Variants in ANKRD36B observed in about 807,000 individuals in gnomAD.
ANKRD36B encodes the protein ankyrin repeat domain 36B, also known as ankyrin repeat domain-containing protein 36B.
In ANKRD36B, 37 loss-of-function variants were observed where a neutral mutation model predicts 135.7. The observed-to-expected ratio is 0.27, with a 90% CI of 0.21 to 0.36. The LOEUF is 0.36. Ranked by LOEUF, ANKRD36B falls within the 10% of genes least tolerant of loss-of-function variation. The pLI is 1.00. For missense variants in ANKRD36B, 549 were observed against 1,037.1 expected (o/e 0.53, Z 6.46); for synonymous variants, 179 against 348.1 (o/e 0.51, Z 5.41).
chr2:97,514,093 T>C lies in ANKRD36B; in HGVS notation c.2622-730A>G, dbSNP rs1482243188. Among the ~76,000 whole-genome samples the C allele has an allele frequency of 2.2e-5, 3 of 137,602 alleles. No individual in the cohort carries two copies. The South Asian group carries it at 6.3e-4, about 29-fold the overall frequency. The allele number at this position is 137,602 out of a possible 152,430, so 90.3% of individuals were successfully genotyped here. A position where few individuals can be genotyped will look rare whatever the true frequency, so the allele number is the denominator to read the frequency against. ...CTGTGTCGGGGGCCACGGTCACTCA[T>C]ATTTGGCTCAGAATAAATGTCTTCA... On this transcript the variant is annotated intron_variant, in intron 37 of 43. Transcript: ENST00000359901.
At chr2:97,546,954 C>G (rs12712050) in intron 22 of ANKRD36B, among the ~76,000 whole-genome samples, 84,278 of 151,370 alleles carry the variant, frequency 0.56, 25,108 homozygotes, top group Non-Finnish European at 0.67. Context: ...CTGGAGCAGC[C>G]AAAATCAAAT....
chr2:97,541,417 ACTT>A (rs1418737817), intron 28 of ANKRD36B, among the ~76,000 whole-genome samples: 1 of 95,854 alleles, frequency 1.0e-5, no homozygotes, highest in Non-Finnish European at 2.8e-5. Context: ...TACATAAATA[ACTT>A]CTTCTTTTCT....
chr2:97,552,280 G>T (rs1169432586), intron 16 of ANKRD36B, among the ~76,000 whole-genome samples: 3 of 151,990 alleles, frequency 2.0e-5, no homozygotes, highest in South Asian at 2.1e-4. Context: ...CATTGAAAAT[G>T]ACCATTTTAG....
chr2:97,588,551 T>C (rs1044836450), intron 1 of ANKRD36B, among the ~76,000 whole-genome samples: 5 of 152,158 alleles, frequency 3.3e-5, no homozygotes, highest in Admixed American at 2.0e-4. Flanking sequence ...AAAAGTTTTC[T>C]TAATGTCGTC....
At chr2:97,575,808 T>G (rs552627111) in intron 6 of ANKRD36B, among the ~76,000 whole-genome samples, 27 of 152,112 alleles carry the variant, frequency 1.8e-4, no homozygotes, top group Non-Finnish European at 2.9e-4. Flanking sequence ...ACTAGATTGA[T>G]AGTAGTTCAA....
intron 20 of ANKRD36B, 79 bp from the exon 21 acceptor site, chr2:97,547,810 C>G (rs2079621211): frequency 6.6e-7 from 1 of 1,516,000 alleles, no homozygotes; most frequent in Non-Finnish European, 8.9e-7. Context: ...GTGTTAGCAT[C>G]AACCTCTGTC....
chr2:97,537,562 G>A lies in ANKRD36B; in HGVS notation c.2089+606C>T, dbSNP rs1396247758. 3.1e-5 allele frequency among the ~76,000 whole-genome samples: 3 copies of A among 96,776 alleles called. 1 individual carries two copies. The highest frequency in any genetic ancestry group is 9.3e-5 in the African/African-American group (3 of 32,420). The allele number at this position is 96,776 out of a possible 152,430, so 63.5% of individuals were successfully genotyped here. A position where few individuals can be genotyped will look rare whatever the true frequency, so the allele number is the denominator to read the frequency against. ...CTCCTTCCTGATTACAGTAGTCATT[G>A]GAGCAGCCAGAAATCAGATCTTCTG... On this transcript the variant is annotated intron_variant, in intron 32 of 43. Coordinates refer to ENST00000359901, the MANE Select transcript of ANKRD36B (RefSeq NM_001393939.1).
At chr2:97,580,608 A>G (rs1394607650) in intron 3 of ANKRD36B, 40 bp from the exon 4 acceptor site, 3 of 1,510,356 alleles carry the variant, frequency 2.0e-6, no homozygotes, top group Middle Eastern at 3.4e-4. Flanking sequence ...ACAAAATTAC[A>G]TATTTATCAA....
chr2:97,560,150 C>T lies in ANKRD36B; in HGVS notation c.865+515G>A, dbSNP rs533136984. On this transcript the variant is annotated intron_variant, in intron 8 of 43. Coordinates refer to ENST00000359901, the MANE Select transcript of ANKRD36B (RefSeq NM_001393939.1). ...TCACTCAGGTTTCCTCAGCAGAAAA[C>T]CCAAAATTACATAAATACCTTCTTC... Among the ~76,000 whole-genome samples the T allele has an allele frequency of 5.3e-5, 8 of 151,768 alleles. No individual in the cohort carries two copies. In the East Asian group the frequency reaches 1.6e-3, roughly 30 times the overall value.
chr2:97,579,913 T>C (rs1238956159), intron 4 of ANKRD36B, among the ~76,000 whole-genome samples: 1 of 152,190 alleles, frequency 6.6e-6, no homozygotes, highest in Non-Finnish European at 1.5e-5. Flanking sequence ...ACTTGGTAAG[T>C]AATGTTACCA....
At chr2:97,570,766 A>C (rs1282562672) in intron 6 of ANKRD36B, among the ~76,000 whole-genome samples, 3 of 152,152 alleles carry the variant, frequency 2.0e-5, no homozygotes, top group Admixed American at 2.0e-4. Flanking sequence ...GTATTCTTTC[A>C]CTGTAACAAA....
chr2:97,550,017 A>T (rs1436405007), intron 18 of ANKRD36B, among the ~76,000 whole-genome samples: 2 of 151,824 alleles, frequency 1.3e-5, no homozygotes, highest in Non-Finnish European at 2.9e-5. Context: ...GATTTACACC[A>T]TTATACTACA....
rs1444738430 is a variant in ANKRD36B, at chr2:97,531,776, T to C, written c.2265+535A>G. 2.1e-5 allele frequency among the ~76,000 whole-genome samples: 2 copies of C among 96,722 alleles called. 1 individual carries two copies. Among genetic ancestry groups the C allele is most frequent in the African/African-American group, 6.2e-5 (2 of 32,248 alleles). 63.5% of individuals were successfully genotyped at this position (96,722 alleles called of 152,430 possible). A position where few individuals can be genotyped will look rare whatever the true frequency, so the allele number is the denominator to read the frequency against. ...GTACACTAATACCAAAGGTGCCATT[T>C]TGCAAGGTATAATTCTCTTGATAGC... On this transcript the variant is annotated intron_variant, in intron 35 of 43. Transcript: ENST00000359901.
rs2078170553 is a variant in ANKRD36B at position 97,525,788 on chromosome 2, G to A, written c.2266-2321C>T. Among the ~76,000 whole-genome samples, 2 of 98,126 alleles carry A rather than the reference G, an allele frequency of 2.0e-5. 1 individual carries two copies. Among genetic ancestry groups the A allele is most frequent in the African/African-American group, 6.1e-5 (2 of 32,834 alleles). The allele number at this position is 98,126 out of a possible 152,430, so 64.4% of individuals were successfully genotyped here. A position where few individuals can be genotyped will look rare whatever the true frequency, so the allele number is the denominator to read the frequency against. Reference sequence around the variant, plus strand: ...GCTCAGACAGTCCTATGCCCATTGAGTCTCACTGATTGCTAGCACAGCAGT... The same window carrying A: ...GCTCAGACAGTCCTATGCCCATTGAATCTCACTGATTGCTAGCACAGCAGT... On this transcript the variant is annotated intron_variant, in intron 35 of 43. Transcript: ENST00000359901.
intron 16 of ANKRD36B, among the ~76,000 whole-genome samples, chr2:97,552,660 T>C (rs2080168590): frequency 6.6e-6 from 1 of 151,892 alleles, no homozygotes; most frequent in Non-Finnish European, 1.5e-5. Flanking sequence ...CTAAATTATA[T>C]AAATAACTTC....
Position 97,541,167 on chromosome 2 carries a change from C to A in ANKRD36B, c.1885+744G>T, listed in dbSNP as rs1349855064. ...AGAGTTAGCTCCTTGAACAACGAAG[C>A]CAATGTATTCATATTCAAGTTTATC... is the stretch of plus-strand genomic sequence containing the variant. On this transcript the variant is annotated intron_variant, in intron 28 of 43. Coordinates refer to ENST00000359901, the MANE Select transcript of ANKRD36B (RefSeq NM_001393939.1). Among the ~76,000 whole-genome samples the A allele has an allele frequency of 2.1e-5, 2 of 96,096 alleles. 1 individual carries two copies. The highest frequency in any genetic ancestry group is 6.2e-5 in the African/African-American group (2 of 32,182). 63.0% of individuals were successfully genotyped at this position (96,096 alleles called of 152,430 possible).
At chr2:97,558,102 C>T (rs1188999580) in intron 10 of ANKRD36B, among the ~76,000 whole-genome samples, 1 of 151,940 alleles carries the variant, frequency 6.6e-6, no homozygotes, top group East Asian at 1.9e-4. Context: ...ATGTTTATCT[C>T]ATTTGAATAA....
At chr2:97,571,780 A>C (rs1003896991) in intron 6 of ANKRD36B, among the ~76,000 whole-genome samples, 1 of 152,216 alleles carries the variant, frequency 6.6e-6, no homozygotes. Context: ...ATTTGTTTCT[A>C]ATCTTTTTTC....
At chr2:97,570,788 A>G (rs542592999) in intron 6 of ANKRD36B, among the ~76,000 whole-genome samples, 1 of 152,344 alleles carries the variant, frequency 6.6e-6, no homozygotes, top group East Asian at 1.9e-4. Flanking sequence ...CAAAGCCCAG[A>G]GTAGGACTGT....
Sources: allele counts gnomAD v4.1 joint callset (sites outside exome capture counted in the v4.1 genomes callset), GRCh38; gene constraint gnomAD v4.1.1; transcripts MANE v1.5; gene names NCBI Gene and HGNC (gene_info 2026-07-23, HGNC 2026-07-21).